The following CLEC5A variants were observed in gnomAD, a reference collection of about 807,000 sequenced individuals.
CLEC5A encodes the protein C-type lectin domain containing 5A.
A neutral mutation model predicts 24.4 loss-of-function variants in CLEC5A; 15 were observed. The ratio of observed to expected loss-of-function variants is 0.62; its 90% CI spans 0.41 to 0.95. CLEC5A has a LOEUF of 0.95. CLEC5A is among the 40% of genes least tolerant of loss of function. The pLI is 0.00. For missense variants in CLEC5A, 211 were observed against 224.0 expected (o/e 0.94, Z 0.37); for synonymous variants, 71 against 72.6 (o/e 0.98, Z 0.11).
At chr7:141,935,786 C>T in intron 5 of CLEC5A, 28 bp downstream of exon 5, 1 of 1,610,772 alleles carries the variant, frequency 6.2e-7, no homozygotes, top group African/African-American at 1.3e-5. Flanking sequence ...GAGTGTGTGG[C>T]TTTACTGTAC....
Position 141,930,078 on chromosome 7 carries a change from A to G in CLEC5A, c.*26T>C, listed in dbSNP as rs1333565882. On this transcript the variant is annotated 3_prime_UTR_variant, in exon 7 of 7. Transcript: ENST00000546910. ...TATGGATTCAAAAAGAGTTGCAAGTATAGTTCTTGTCACAGGGAACTGTGA... is the reference window on the plus strand; with the variant it reads ...TATGGATTCAAAAAGAGTTGCAAGTGTAGTTCTTGTCACAGGGAACTGTGA... 15 of 1,556,478 alleles carry G rather than the reference A, an allele frequency of 9.6e-6. No homozygotes were observed. The highest frequency in any genetic ancestry group is 6.7e-5 in the East Asian group (3 of 44,624).
Position 141,931,834 on chromosome 7 carries a change from T to TAA in CLEC5A, c.346-10_346-9dup, listed in dbSNP as rs201042036. The TAA allele has an allele frequency of 8.3e-5, 112 of 1,356,296 alleles. No individual in the cohort carries two copies. The highest frequency in any genetic ancestry group is 6.0e-4 in the South Asian group (46 of 76,396). The allele number at this position is 1,356,296 out of a possible 1,614,324, so 84.0% of individuals were successfully genotyped here. On this transcript the variant is annotated splice_polypyrimidine_tract_variant and intron_variant, in intron 5 of 6. Coordinates refer to ENST00000546910, the MANE Select transcript of CLEC5A (RefSeq NM_013252.3). ...TATGTCCTGAAGAAACTTCTGGAAA[T>TAA]AAAAAAAAAATTTTACCAGTGAGTC...
intron 5 of CLEC5A, among the ~76,000 whole-genome samples, chr7:141,932,583 TTA>T (rs1287034378): frequency 6.6e-6 from 1 of 152,252 alleles, no homozygotes; most frequent in Non-Finnish European, 1.5e-5. Context: ...CTGAAATATC[TTA>T]TTTCATTACT....
rs202234418 is a variant in CLEC5A at position 141,935,844 on chromosome 7, T to C, written c.315A>G (p.Thr105=). The change falls in exon 5 of 7, where the codon ACA becomes ACG. Residue 105 remains threonine (T), a synonymous_variant. Transcript: ENST00000546910. ...TCTCTGGCGTGTTGACAATTGCCAA[T>C]GTGGATCCTTTTCCTTTGCAAAAGT... ...SRDFCKGKGS[T]LAIVNTPEKL... is the part of the protein sequence containing the mutation. The C allele has an allele frequency of 1.3e-5, 21 of 1,614,092 alleles. No homozygotes were observed. The East Asian group carries it at 3.3e-4, about 26-fold the overall frequency.
chr7:141,935,804 G>A lies in CLEC5A; in HGVS notation c.345+10C>T, dbSNP rs1473375615. 9 of 1,613,536 alleles carry A rather than the reference G, an allele frequency of 5.6e-6. No homozygotes were observed. Among genetic ancestry groups the A allele is most frequent in the Admixed American group, 1.7e-5 (1 of 59,986 alleles). On this transcript the variant is annotated intron_variant, in intron 5 of 6. Transcript: ENST00000546910. Reference sequence around the variant, plus strand: ...TGTGTGGCTTTACTGTACCATTCCAGTGTTCTCACCAGTTTCTCTGGCGTG... The same window carrying A: ...TGTGTGGCTTTACTGTACCATTCCAATGTTCTCACCAGTTTCTCTGGCGTG...
At chr7:141,932,267 GT>G (rs1554440495) in intron 5 of CLEC5A, among the ~76,000 whole-genome samples, 2 of 152,198 alleles carry the variant, frequency 1.3e-5, no homozygotes, top group African/African-American at 4.8e-5. Context: ...GCTGAACCAA[GT>G]GCTAATAAAA....
rs781924399 is a variant in CLEC5A, at chr7:141,946,265, G to A, written c.28C>T (p.Leu10Phe). The change falls in exon 2 of 7, where the codon CTT becomes TTT. Residue 10 changes from leucine to phenylalanine, a missense_variant. Transcript: ENST00000546910. MNWHMIISGLIVVVLKVVGM... is the reference protein window; with the variant it reads MNWHMIISGFIVVVLKVVGM... ...ACAACTTTAAGCACTACCACAATAA[G>A]CCCAGAGATGATCATGTGCCAGTTC... is the stretch of plus-strand genomic sequence containing the variant. 16 of 1,572,368 alleles carry A rather than the reference G, an allele frequency of 1.0e-5. No homozygotes were observed. Among genetic ancestry groups the A allele is most frequent in the Non-Finnish European group, 1.4e-5 (16 of 1,157,628 alleles).
At chr7:141,930,426 G>C (rs955437573) in intron 6 of CLEC5A, among the ~76,000 whole-genome samples, 1 of 152,036 alleles carries the variant, frequency 6.6e-6, no homozygotes, top group Non-Finnish European at 1.5e-5. Context: ...ATCCAGCTCC[G>C]CAAATGCAGC....
chr7:141,935,001 T>C (rs894706889), intron 5 of CLEC5A, among the ~76,000 whole-genome samples: 1 of 152,208 alleles, frequency 6.6e-6, no homozygotes, highest in African/African-American at 2.4e-5. Flanking sequence ...CCTGTTTTTC[T>C]ATCTTAAGAC....
chr7:141,934,627 T>TC (rs1563074303), intron 5 of CLEC5A, among the ~76,000 whole-genome samples: 2 of 129,584 alleles, frequency 1.5e-5, no homozygotes, highest in Non-Finnish European at 3.2e-5. Flanking sequence ...TTTTTTTTTT[T>TC]TTTTTTTTTT....
chr7:141,945,967 C>T lies in CLEC5A; in HGVS notation c.79+247G>A, dbSNP rs551008757. On this transcript the variant is annotated intron_variant, in intron 2 of 6. Transcript: ENST00000546910. ...CCAAATAATACTCTACTAGCAAAAG[C>T]TTTGCGTGGCGTTCTAACCATCAGA... The T allele has an allele frequency of 6.2e-6, 3 of 483,058 alleles. No individual in the cohort carries two copies. In the East Asian group the frequency reaches 1.0e-4, roughly 17 times the overall value. 29.9% of individuals were successfully genotyped at this position (483,058 alleles called of 1,614,324 possible).
rs1159783896 is a variant in CLEC5A, at chr7:141,929,162, A to C, written c.*942T>G. 2.6e-5 allele frequency: 4 copies of C among 152,256 alleles called. No homozygotes were observed. The highest frequency in any genetic ancestry group is 5.9e-5 in the Non-Finnish European group (4 of 68,114). The allele number at this position is 152,256 out of a possible 1,614,324, so 9.4% of individuals were successfully genotyped here. A position where few individuals can be genotyped will look rare whatever the true frequency, so the allele number is the denominator to read the frequency against. On this transcript the variant is annotated 3_prime_UTR_variant, in exon 7 of 7. Coordinates refer to ENST00000546910, the MANE Select transcript of CLEC5A (RefSeq NM_013252.3). The stretch of plus-strand genomic sequence containing the variant: ...TCGTCGGCTGGACCAGTTCTAGATC[A>C]ATGTGATGCCAATCAGTGCCAGGCT...
chr7:141,939,972 C>T (rs1177041996), intron 4 of CLEC5A, among the ~76,000 whole-genome samples: 1 of 152,098 alleles, frequency 6.6e-6, no homozygotes, highest in Non-Finnish European at 1.5e-5. Context: ...TAGATAGTCT[C>T]CAATATAATA....
At position 141,929,976 on chromosome 7, in the gene CLEC5A, C is replaced by G. The variant is rs969950880; in HGVS notation, c.*128G>C. On this transcript the variant is annotated 3_prime_UTR_variant, in exon 7 of 7. Transcript: ENST00000546910. ...AGTCCCCCAGTGCAGAAGAAAGAAGCTCAGTTTCCCAAATGGGCAAGGACC... is the reference window on the plus strand; with the variant it reads ...AGTCCCCCAGTGCAGAAGAAAGAAGGTCAGTTTCCCAAATGGGCAAGGACC... 1.5e-6 allele frequency: 1 copy of G among 665,100 alleles called. No individual in the cohort carries two copies. Among genetic ancestry groups the G allele is most frequent in the Non-Finnish European group, 2.5e-6 (1 of 392,842 alleles). The allele number at this position is 665,100 out of a possible 1,614,324, so 41.2% of individuals were successfully genotyped here.
chr7:141,940,722 TA>T (rs1802768226), intron 4 of CLEC5A, among the ~76,000 whole-genome samples: 2 of 149,370 alleles, frequency 1.3e-5, no homozygotes, highest in South Asian at 4.2e-4. Flanking sequence ...CCCAAATTAA[TA>T]AAATCAGAGA....
At chr7:141,945,309 A>T (rs781860937) in intron 3 of CLEC5A, 32 bp downstream of exon 3, 1 of 1,490,234 alleles carries the variant, frequency 6.7e-7, no homozygotes, top group Non-Finnish European at 9.4e-7. Context: ...TAGCAGGAGG[A>T]TGGGGAGAAG....
Position 141,946,312 on chromosome 7 carries a change from C to G in CLEC5A, c.-20G>C. ...GTTCATGATGAAGGAGCTGCAGGGG[C>G]CTGTGAAGATTAGAGCACAGCAGCA... is the stretch of plus-strand genomic sequence containing the variant. On this transcript the variant is annotated splice_region_variant and 5_prime_UTR_variant, in exon 2 of 7. Coordinates refer to ENST00000546910, the MANE Select transcript of CLEC5A (RefSeq NM_013252.3). 6.4e-7 allele frequency: 1 copy of G among 1,557,602 alleles called. No individual in the cohort carries two copies. The highest frequency in any genetic ancestry group is 1.9e-5 in the Admixed American group (1 of 51,290).
chr7:141,940,588 A>C (rs184351348), intron 4 of CLEC5A, among the ~76,000 whole-genome samples: 1 of 152,054 alleles, frequency 6.6e-6, no homozygotes, highest in African/African-American at 2.4e-5. Context: ...AGATCAAAGC[A>C]GAAATAAATT....
rs73525937 is a variant in CLEC5A at position 141,931,707 on chromosome 7, C to G, written c.452+13G>C. 4.5e-3 allele frequency: 6,314 copies of G among 1,389,514 alleles called. 251 individuals are homozygous for G. The African/African-American group carries it at 0.079, about 17-fold the overall frequency. The allele number at this position is 1,389,514 out of a possible 1,614,324, so 86.1% of individuals were successfully genotyped here. A position where few individuals can be genotyped will look rare whatever the true frequency, so the allele number is the denominator to read the frequency against. ...AACCAAGATCCCCAGGAAACTGTGG[C>G]ATGTTCACGTACTTGCCATTGAACA... On this transcript the variant is annotated intron_variant, in intron 6 of 6. Coordinates refer to ENST00000546910, the MANE Select transcript of CLEC5A (RefSeq NM_013252.3).
Sources: allele counts gnomAD v4.1 joint callset (sites outside exome capture counted in the v4.1 genomes callset), GRCh38; gene constraint gnomAD v4.1.1; transcripts MANE v1.5; gene names NCBI Gene and HGNC (gene_info 2026-07-23, HGNC 2026-07-21).